DMD: variants seen among roughly 807,000 people sequenced by gnomAD.
DMD encodes mutant dystrophin.
A neutral mutation model predicts 330.1 loss-of-function variants in DMD; 63 were observed. The observed-to-expected ratio is 0.19, with a 90% CI of 0.16 to 0.24. The LOEUF (loss-of-function observed/expected upper bound fraction) is 0.24, where lower values mean the gene tolerates loss of function less well. Among genes scored for constraint, DMD ranks in the 10% least tolerant of loss-of-function variants. The pLI, the probability that DMD is intolerant of heterozygous loss-of-function variation, is 1.00. For missense variants in DMD, 3,344 were observed against 2,684.1 expected, an observed-to-expected ratio of 1.25 and a Z score of -5.43; for synonymous variants, 1,223 against 959.8, an observed-to-expected ratio of 1.27 and a Z score of -5.07.
In DMD at chrX:32,860,822, C is replaced by T. The variant is rs770448930; in HGVS notation, c.94-11002G>A. On this transcript the variant is annotated intron_variant, in intron 2 of 78. Transcript: ENST00000357033. Reference sequence around the variant, plus strand: ...CTCCCCTCAAGAATGGCCACTATGACGACTTGTGGCATCATAGGTTAGTTT... The same window carrying T: ...CTCCCCTCAAGAATGGCCACTATGATGACTTGTGGCATCATAGGTTAGTTT... 7.2e-5 allele frequency among the ~76,000 whole-genome samples: 8 copies of T among 111,063 alleles called. No homozygotes were observed. In the South Asian group the frequency reaches 1.2e-3, roughly 16 times the overall value.
At chrX:33,265,815 G>A (rs1417361402) in intron 1 of DMD, among the ~76,000 whole-genome samples, 1 of 111,553 alleles carries the variant, frequency 9.0e-6, no homozygotes, top group Non-Finnish European at 1.9e-5. Flanking sequence ...AGCTTTATCA[G>A]CAACATAGCT....
intron 2 of DMD, among the ~76,000 whole-genome samples, chrX:32,953,441 T>C (rs1167269040): frequency 8.9e-6 from 1 of 112,154 alleles, no homozygotes; most frequent in African/African-American, 3.2e-5. Flanking sequence ...TGAATGATTC[T>C]TTAAAAAAAT....
chrX:31,640,397 A>T (rs1321927775), intron 54 of DMD, among the ~76,000 whole-genome samples: 1 of 111,987 alleles, frequency 8.9e-6, no homozygotes, highest in Non-Finnish European at 1.9e-5. Flanking sequence ...AGTCTGGTAA[A>T]CCTGTTTTGA....
intron 55 of DMD, among the ~76,000 whole-genome samples, chrX:31,510,223 C>A (rs2071353802): frequency 9.0e-6 from 1 of 111,655 alleles, no homozygotes; most frequent in African/African-American, 3.3e-5. Context: ...GGATGTTTAA[C>A]TGACTTGCCT....
intron 44 of DMD, among the ~76,000 whole-genome samples, chrX:31,975,282 C>A (rs1451389329): frequency 9.0e-6 from 1 of 111,599 alleles, no homozygotes; most frequent in Admixed American, 9.6e-5. Context: ...ATTGGTGGCT[C>A]TTGTTTTAAA....
At chrX:31,619,034 T>C (rs1185076279) in intron 55 of DMD, among the ~76,000 whole-genome samples, 1 of 111,326 alleles carries the variant, frequency 9.0e-6, no homozygotes, top group African/African-American at 3.3e-5. Flanking sequence ...TATTACATCA[T>C]GCAAGCAAAG....
chrX:32,518,670 GACA>G (rs2046107309), intron 17 of DMD, among the ~76,000 whole-genome samples: 1 of 110,762 alleles, frequency 9.0e-6, no homozygotes, highest in African/African-American at 3.3e-5. Context: ...ATTCTGAGAA[GACA>G]ACAATTATAT....
chrX:31,243,460 C>T (rs1183848850), intron 63 of DMD, among the ~76,000 whole-genome samples: 1 of 111,925 alleles, frequency 8.9e-6, no homozygotes, highest in East Asian at 2.8e-4. Context: ...CTCAACATAA[C>T]ACACAAAAAA....
At chrX:32,219,159 A>G (rs1306018788) in intron 43 of DMD, among the ~76,000 whole-genome samples, 1 of 112,199 alleles carries the variant, frequency 8.9e-6, no homozygotes, top group Non-Finnish European at 1.9e-5. Flanking sequence ...GATTTATGGT[A>G]TTCTAGAGTT....
intron 59 of DMD, among the ~76,000 whole-genome samples, chrX:31,461,798 G>GT (rs2066543732): frequency 9.0e-6 from 1 of 111,459 alleles, no homozygotes; most frequent in Non-Finnish European, 1.9e-5. Context: ...GGATTACTAG[G>GT]TTTACTTATT....
At chrX:32,250,628 G>A (rs2097259826) in intron 43 of DMD, among the ~76,000 whole-genome samples, 1 of 111,957 alleles carries the variant, frequency 8.9e-6, no homozygotes. Context: ...AAAAGCAATA[G>A]GAGATGGGAG....
chrX:33,335,378 T>C (rs1436591152), intron 1 of DMD, among the ~76,000 whole-genome samples: 1 of 110,721 alleles, frequency 9.0e-6, no homozygotes, highest in African/African-American at 3.3e-5. Flanking sequence ...CTTTGTTTCA[T>C]TGTATTTTGA....
chrX:31,613,970 T>G (rs1345822175), intron 55 of DMD, among the ~76,000 whole-genome samples: 1 of 112,094 alleles, frequency 8.9e-6, no homozygotes, highest in Non-Finnish European at 1.9e-5. Context: ...AATTTAGGGT[T>G]GTCTAATCAA....
intron 34 of DMD, among the ~76,000 whole-genome samples, chrX:32,379,703 T>C (rs1404467685): frequency 5.4e-5 from 6 of 111,678 alleles, no homozygotes; most frequent in Non-Finnish European, 9.4e-5. Context: ...ACATAAGGTA[T>C]TGAAAATTTC....
chrX:32,622,542 AT>A (rs1219800864), intron 11 of DMD, among the ~76,000 whole-genome samples: 1 of 111,900 alleles, frequency 8.9e-6, no homozygotes, highest in African/African-American at 3.2e-5. Flanking sequence ...ATCATATTTA[AT>A]AGGATTCAGC....
At chrX:32,019,759 T>C (rs756602499) in intron 44 of DMD, among the ~76,000 whole-genome samples, 54 of 112,533 alleles carry the variant, frequency 4.8e-4, no homozygotes, top group Non-Finnish European at 8.8e-4. Flanking sequence ...TTCCTGACGC[T>C]GTCATTCTAC....
chrX:32,672,416 G>A (rs2061688702), intron 9 of DMD, among the ~76,000 whole-genome samples: 1 of 110,888 alleles, frequency 9.0e-6, no homozygotes, highest in African/African-American at 3.3e-5. Flanking sequence ...TTCTATTAAG[G>A]ATTTATATTA....
intron 7 of DMD, among the ~76,000 whole-genome samples, chrX:32,744,474 T>C (rs933722242): frequency 6.3e-5 from 7 of 111,339 alleles, no homozygotes; most frequent in African/African-American, 9.8e-5. Context: ...TGTGCACCTA[T>C]CTGCTCAAAC....
intron 1 of DMD, among the ~76,000 whole-genome samples, chrX:33,130,779 G>C (rs1295178951): frequency 9.0e-6 from 1 of 110,705 alleles, no homozygotes; most frequent in Non-Finnish European, 1.9e-5. Context: ...TCGGACTCCC[G>C]ACCTCAGGTG....
Sources: gnomAD v4.1 joint callset for allele counts (sites outside exome capture counted in the v4.1 genomes callset) on GRCh38, gnomAD v4.1.1 for gene constraint, MANE v1.5 for transcripts, NCBI Gene and HGNC (gene_info 2026-07-23, HGNC 2026-07-21) for gene names.